ZFAT: variants seen among roughly 807,000 people sequenced by gnomAD.
ZFAT encodes the protein zinc finger and AT-hook domain containing.
A neutral mutation model predicts 117.7 loss-of-function variants in ZFAT; 64 were observed. The observed-to-expected ratio is 0.54, with a 90% CI of 0.44 to 0.67. ZFAT has a LOEUF of 0.67. Among genes scored for constraint, ZFAT ranks in the 30% least tolerant of loss-of-function variants. ZFAT has a pLI of 0.00. For synonymous variants in ZFAT, 679 were observed against 615.0 expected, an observed-to-expected ratio of 1.10 and a Z score of -1.54; for missense variants, 1,433 against 1,584.5, an observed-to-expected ratio of 0.90 and a Z score of 1.62.
intron 13 of ZFAT, among the ~76,000 whole-genome samples, chr8:134,516,849 T>TGGG (rs1820289981): frequency 6.6e-6 from 1 of 151,444 alleles, no homozygotes; most frequent in Non-Finnish European, 1.5e-5. Flanking sequence ...AGCCAGACCC[T>TGGG]ATCTCTCAAA....
chr8:134,503,442 A>C (rs926269192), intron 15 of ZFAT, among the ~76,000 whole-genome samples: 1 of 152,234 alleles, frequency 6.6e-6, no homozygotes, highest in Admixed American at 6.5e-5. Context: ...CTGACAAAAC[A>C]GACACTCATA....
intron 1 of ZFAT, among the ~76,000 whole-genome samples, chr8:134,680,092 T>TA (rs61471891): frequency 0.018 from 2,568 of 142,848 alleles, 68 homozygotes; most frequent in African/African-American, 0.058. Flanking sequence ...AAAGTATAAT[T>TA]AAAAAAAAAA....
chr8:134,650,395 G>A (rs954621433), intron 2 of ZFAT, among the ~76,000 whole-genome samples: 2 of 151,904 alleles, frequency 1.3e-5, no homozygotes, highest in African/African-American at 4.8e-5. Flanking sequence ...CAAAGTGCTG[G>A]GATTACAGTC....
At chr8:134,803,517 T>C in the ZFAT span, among the ~76,000 whole-genome samples, 350 of 152,240 alleles carry the variant, frequency 2.3e-3, no homozygotes, top group African/African-American at 8.2e-3. Context: ...AGCCTGAAAA[T>C]TGTATTTACA....
At chr8:134,601,209 T>G (rs1054344386) in intron 6 of ZFAT, among the ~76,000 whole-genome samples, 2 of 152,142 alleles carry the variant, frequency 1.3e-5, no homozygotes, top group African/African-American at 4.8e-5. Flanking sequence ...AGATTCTTCT[T>G]GGTTAGAGTT....
chr8:134,779,063 A>G, the ZFAT span, among the ~76,000 whole-genome samples: 5 of 152,178 alleles, frequency 3.3e-5, no homozygotes, highest in Non-Finnish European at 7.3e-5. Flanking sequence ...AGGTTCCACT[A>G]TAAGAAATAT....
the ZFAT span, among the ~76,000 whole-genome samples, chr8:134,730,555 C>T: frequency 2.0e-5 from 3 of 152,210 alleles, no homozygotes; most frequent in Non-Finnish European, 2.9e-5. Flanking sequence ...AATAAATAAA[C>T]GTCTCCATTC....
the ZFAT span, among the ~76,000 whole-genome samples, chr8:134,790,124 G>A: frequency 2.0e-5 from 3 of 151,680 alleles, no homozygotes; most frequent in Non-Finnish European, 4.4e-5. Flanking sequence ...ATGGGCCTCC[G>A]ATGGTGAGAT....
At chr8:134,694,143 C>T (rs1833715468) in intron 1 of ZFAT, among the ~76,000 whole-genome samples, 1 of 152,136 alleles carries the variant, frequency 6.6e-6, no homozygotes, top group South Asian at 2.1e-4. Context: ...CGCTGGAACG[C>T]GGGGCGCAGC....
chr8:134,527,388 C>T (rs1025636826), intron 12 of ZFAT, among the ~76,000 whole-genome samples: 2 of 152,182 alleles, frequency 1.3e-5, no homozygotes, highest in Non-Finnish European at 2.9e-5. Flanking sequence ...CTAACACAGG[C>T]ACTGACAGAT....
intron 2 of ZFAT, among the ~76,000 whole-genome samples, chr8:134,656,950 C>T (rs2131201046): frequency 6.6e-6 from 1 of 152,368 alleles, no homozygotes; most frequent in African/African-American, 2.4e-5. Flanking sequence ...ATGCATCTCA[C>T]TTTGCACGCT....
chr8:134,668,523 CA>C (rs1324034761), intron 1 of ZFAT, among the ~76,000 whole-genome samples: 1 of 152,250 alleles, frequency 6.6e-6, no homozygotes, highest in Non-Finnish European at 1.5e-5. Context: ...CAAACTCCAA[CA>C]GACCTGCAGC....
At chr8:134,765,819 G>A in the ZFAT span, 2 of 152,162 alleles carry the variant, frequency 1.3e-5, no homozygotes, top group African/African-American at 4.8e-5. Context: ...AACTCCTCAT[G>A]TGAGATCCCA....
chr8:134,594,369 A>G (rs1826757492), intron 7 of ZFAT, among the ~76,000 whole-genome samples: 1 of 152,248 alleles, frequency 6.6e-6, no homozygotes, highest in Non-Finnish European at 1.5e-5. Flanking sequence ...TATTTCCAGA[A>G]GAGGATTGAA....
chr8:134,578,174 A>C (rs1343893846), intron 10 of ZFAT, among the ~76,000 whole-genome samples: 1 of 152,088 alleles, frequency 6.6e-6, no homozygotes, highest in African/African-American at 2.4e-5. Context: ...GCACTCTGGG[A>C]GGCTGAGGCG....
At chr8:134,654,535 G>C (rs2131189510) in intron 2 of ZFAT, among the ~76,000 whole-genome samples, 1 of 152,262 alleles carries the variant, frequency 6.6e-6, no homozygotes, top group East Asian at 1.9e-4. Context: ...ACAGTACCAA[G>C]AGAAGGGCCC....
At chr8:134,641,116 T>C (rs1220290763) in intron 2 of ZFAT, among the ~76,000 whole-genome samples, 1 of 152,078 alleles carries the variant, frequency 6.6e-6, no homozygotes, top group African/African-American at 2.4e-5. Flanking sequence ...CCATCCCTCA[T>C]CTGTCATTCC....
chr8:134,512,437 C>T (rs1299916713), intron 14 of ZFAT, 38 bp downstream of exon 14: 3 of 1,607,188 alleles, frequency 1.9e-6, no homozygotes, highest in African/African-American at 2.7e-5. Context: ...CTAGGAAAGA[C>T]AGTTCTGAGA....
At chr8:134,523,047 T>C (rs934538043) in intron 12 of ZFAT, among the ~76,000 whole-genome samples, 6 of 152,202 alleles carry the variant, frequency 3.9e-5, no homozygotes, top group Non-Finnish European at 7.3e-5. Context: ...TCTAGAGCAC[T>C]GATCCTCAGC....
Sources: gnomAD v4.1 joint callset for allele counts (sites outside exome capture counted in the v4.1 genomes callset) on GRCh38, gnomAD v4.1.1 for gene constraint, MANE v1.5 for transcripts, NCBI Gene and HGNC (gene_info 2026-07-23, HGNC 2026-07-21) for gene names.